Variants in DOCK8 observed in about 807,000 individuals in gnomAD.
The protein encoded by DOCK8 is dedicator of cytokinesis protein 8.
Under a neutral mutation model 245.6 loss-of-function variants are expected in DOCK8, and 141 were observed. That is an observed-to-expected ratio of 0.57 (90% CI 0.50 to 0.66). The LOEUF (loss-of-function observed/expected upper bound fraction) is 0.66. Among genes scored for constraint, DOCK8 ranks in the 30% least tolerant of loss-of-function variants. DOCK8 has a pLI of 0.00. For synonymous variants in DOCK8, 1,168 were observed against 970.2 expected (o/e 1.20, Z -3.79); for missense variants, 2,965 against 2,603.4 (o/e 1.14, Z -3.02).
At chr9:398,565 A>G (rs947052768) in intron 25 of DOCK8, among the ~76,000 whole-genome samples, 3 of 152,230 alleles carry the variant, frequency 2.0e-5, no homozygotes, top group Admixed American at 6.5e-5. Flanking sequence ...TTTTAAAAAT[A>G]GGCGTAGCTT....
At chr9:381,509 A>G (rs1284485123) in intron 21 of DOCK8, 4 of 152,214 alleles carry the variant, frequency 2.6e-5, no homozygotes, top group Admixed American at 2.0e-4. Flanking sequence ...TTATTTACAT[A>G]AGTAATAATC....
chr9:297,965 A>C (rs142974421), intron 4 of DOCK8, among the ~76,000 whole-genome samples: 16 of 152,314 alleles, frequency 1.1e-4, no homozygotes, highest in African/African-American at 3.4e-4. Context: ...TCATTTGTTA[A>C]TGCCTATTTG....
intron 31 of DOCK8, 67 bp from the exon 32 acceptor site, chr9:420,882 T>C: frequency 1.2e-6 from 2 of 1,600,630 alleles, no homozygotes; most frequent in Non-Finnish European, 1.7e-6. Context: ...GTGTACTGTT[T>C]TGGTAACTCT....
chr9:237,339 A>G (rs1486425463), intron 1 of DOCK8, among the ~76,000 whole-genome samples: 3 of 152,252 alleles, frequency 2.0e-5, no homozygotes, highest in Non-Finnish European at 4.4e-5. Flanking sequence ...ATGGTAGGAA[A>G]CAAGGCCATT....
At chr9:255,467 A>T (rs1159451941) in intron 1 of DOCK8, among the ~76,000 whole-genome samples, 3 of 152,152 alleles carry the variant, frequency 2.0e-5, no homozygotes, top group Admixed American at 6.5e-5. Context: ...CAGGAGTTTG[A>T]GATCAGCCTG....
chr9:459,183 G>T (rs2057731190), intron 46 of DOCK8, among the ~76,000 whole-genome samples: 1 of 152,158 alleles, frequency 6.6e-6, no homozygotes, highest in Non-Finnish European at 1.5e-5. Context: ...TTGAAAAGTT[G>T]TTTGCAGTGT....
intron 46 of DOCK8, chr9:456,843 CT>C (rs2057658920): frequency 6.6e-6 from 1 of 152,146 alleles, no homozygotes; most frequent in Non-Finnish European, 1.5e-5. Context: ...CTTATCTGGA[CT>C]TTCTCATTCT....
chr9:431,738 A>G (rs2056721307), intron 36 of DOCK8, among the ~76,000 whole-genome samples: 1 of 152,070 alleles, frequency 6.6e-6, no homozygotes, highest in African/African-American at 2.4e-5. Flanking sequence ...TGAACTCCTG[A>G]GCTCAAGTGA....
intron 23 of DOCK8, 116 bp from the exon 24 acceptor site, chr9:390,355 C>T: frequency 3.2e-6 from 3 of 937,686 alleles, no homozygotes; most frequent in Non-Finnish European, 5.1e-6. Context: ...ATCTAAGACA[C>T]ATGCTTCAGG....
intron 4 of DOCK8, among the ~76,000 whole-genome samples, chr9:301,462 T>A (rs1194527051): frequency 1.3e-5 from 2 of 152,126 alleles, no homozygotes; most frequent in Non-Finnish European, 2.9e-5. Context: ...CTCTCACCAC[T>A]TATATCAACA....
intron 26 of DOCK8, among the ~76,000 whole-genome samples, chr9:401,827 CTCA>C (rs1423810101): frequency 6.6e-6 from 1 of 152,174 alleles, no homozygotes; most frequent in Non-Finnish European, 1.5e-5. Flanking sequence ...CGCACGCAGT[CTCA>C]TCTAAGGGAA....
At chr9:228,300 T>C (rs908808009) in intron 1 of DOCK8, among the ~76,000 whole-genome samples, 2 of 152,202 alleles carry the variant, frequency 1.3e-5, no homozygotes, top group African/African-American at 4.8e-5. Flanking sequence ...CAAGAGACCC[T>C]GTGCTGTCTA....
chr9:375,763 G>A (rs1586836528), intron 18 of DOCK8, among the ~76,000 whole-genome samples: 1 of 152,198 alleles, frequency 6.6e-6, no homozygotes, highest in East Asian at 1.9e-4. Flanking sequence ...TTGGGAGGCT[G>A]AAGTGGGCAG....
At chr9:306,877 T>A (rs1324853876) in intron 5 of DOCK8, among the ~76,000 whole-genome samples, 1 of 152,166 alleles carries the variant, frequency 6.6e-6, no homozygotes, top group Admixed American at 6.5e-5. Context: ...CTGAAATCCC[T>A]GAGAAGGTAC....
intron 40 of DOCK8, 130 bp from the exon 41 acceptor site, chr9:441,156 G>C (rs1312758959): frequency 2.9e-6 from 4 of 1,384,342 alleles, no homozygotes; most frequent in East Asian, 4.6e-5. Context: ...ACCCCTTCTT[G>C]CCCTGTGAAA....
intron 1 of DOCK8, among the ~76,000 whole-genome samples, chr9:258,149 C>G (rs1024946896): frequency 6.6e-6 from 1 of 152,198 alleles, no homozygotes; most frequent in Admixed American, 6.5e-5. Flanking sequence ...GTTAGGACTG[C>G]TCCATTTCCC....
At chr9:372,428 ATAAC>A in intron 18 of DOCK8, 142 bp downstream of exon 18, 1 of 746,454 alleles carries the variant, frequency 1.3e-6, no homozygotes, top group Non-Finnish European at 2.4e-6. Context: ...GATGGGAGGA[ATAAC>A]TGACTGTGAA....
Position 227,945 on chromosome 9 carries a change from A to G in DOCK8, c.53+12916A>G, listed in dbSNP as rs539152289. Among the ~76,000 whole-genome samples, 3 of 152,304 alleles carry G rather than the reference A, an allele frequency of 2.0e-5. No individual in the cohort carries two copies. The South Asian group carries it at 6.2e-4, about 32-fold the overall frequency. On this transcript the variant is annotated intron_variant, in intron 1 of 47. Coordinates refer to ENST00000432829, the MANE Select transcript of DOCK8 (RefSeq NM_203447.4). ...CTAGGAGGGTAGTTACAAAGATCAC[A>G]TGCCAAATTATGAGGGCAAAGAGCC...
At chr9:282,571 A>G (rs546132198) in intron 2 of DOCK8, among the ~76,000 whole-genome samples, 1 of 149,752 alleles carries the variant, frequency 6.7e-6, no homozygotes, top group South Asian at 2.1e-4. Flanking sequence ...GTGGTGTACC[A>G]CCACACCCAT....
Sources: allele counts gnomAD v4.1 joint callset (sites outside exome capture counted in the v4.1 genomes callset), GRCh38; gene constraint gnomAD v4.1.1; transcripts MANE v1.5; gene names NCBI Gene and HGNC (gene_info 2026-07-23, HGNC 2026-07-21).